CDC14B: variants seen among roughly 807,000 people sequenced by gnomAD.
CDC14B encodes dual specificity protein phosphatase CDC14B.
A neutral mutation model predicts 64.2 loss-of-function variants in CDC14B; 22 were observed. The ratio of observed to expected loss-of-function variants is 0.34; its 90% confidence interval spans 0.24 to 0.49. The LOEUF is 0.49. Among genes scored for constraint, CDC14B ranks in the 20% least tolerant of loss-of-function variants. The pLI, the probability that CDC14B is intolerant of heterozygous loss-of-function variation, is 0.99. For missense variants in CDC14B, 498 were observed against 629.9 expected (o/e 0.79, Z 2.24); for synonymous variants, 191 against 215.8 (o/e 0.89, Z 1.01).
chr9:96,612,233 C>A (rs552104496), intron 1 of CDC14B, among the ~76,000 whole-genome samples: 2 of 152,358 alleles, frequency 1.3e-5, no homozygotes, highest in Admixed American at 6.5e-5. Context: ...CAGAAGCAGA[C>A]AGAGGAACAC....
At chr9:96,604,161 G>A (rs570362946) in intron 1 of CDC14B, among the ~76,000 whole-genome samples, 2 of 152,050 alleles carry the variant, frequency 1.3e-5, no homozygotes, top group East Asian at 1.9e-4. Context: ...CACATTCACC[G>A]AAGTCAGGAC....
intron 4 of CDC14B, among the ~76,000 whole-genome samples, chr9:96,552,630 T>C (rs1841977392): frequency 6.6e-6 from 1 of 152,222 alleles, no homozygotes; most frequent in Admixed American, 6.5e-5. Context: ...ATTTTACTGA[T>C]CTAAGTATCT....
intron 5 of CDC14B, among the ~76,000 whole-genome samples, chr9:96,546,352 G>C (rs746813655): frequency 6.6e-6 from 1 of 151,962 alleles, no homozygotes; most frequent in Non-Finnish European, 1.5e-5. Context: ...AAGCAAAACT[G>C]ATAGTGGTAG....
At chr9:96,518,151 A>C (rs1057115974) in intron 12 of CDC14B, among the ~76,000 whole-genome samples, 1 of 152,206 alleles carries the variant, frequency 6.6e-6, no homozygotes, top group African/African-American at 2.4e-5. Context: ...AGTACTGCTA[A>C]TCAATTTGGA....
At chr9:96,544,390 G>C (rs1328078368) in intron 5 of CDC14B, among the ~76,000 whole-genome samples, 1 of 152,156 alleles carries the variant, frequency 6.6e-6, no homozygotes, top group Non-Finnish European at 1.5e-5. Context: ...ACAGCAATGA[G>C]GGCAAGAAAA....
intron 1 of CDC14B, among the ~76,000 whole-genome samples, chr9:96,611,091 GAAAAA>G (rs1235924277): frequency 8.5e-6 from 1 of 118,112 alleles, no homozygotes; most frequent in Non-Finnish European, 1.8e-5. Flanking sequence ...AAAAGCTATA[GAAAAA>G]AAAAAAAGAG....
At chr9:96,606,425 G>A (rs1846935138) in intron 1 of CDC14B, among the ~76,000 whole-genome samples, 1 of 148,946 alleles carries the variant, frequency 6.7e-6, no homozygotes, top group South Asian at 2.2e-4. Flanking sequence ...GCTCATGCTT[G>A]TAATCCAAGT....
chr9:96,494,260 C>CTGTT (rs1385202334), intron 13 of CDC14B, among the ~76,000 whole-genome samples: 1 of 152,334 alleles, frequency 6.6e-6, no homozygotes, highest in African/African-American at 2.4e-5. Context: ...TTGGGCAAAG[C>CTGTT]TGTTAGGAGA....
At chr9:96,538,417 G>C (rs1204724987) in intron 7 of CDC14B, among the ~76,000 whole-genome samples, 1 of 152,104 alleles carries the variant, frequency 6.6e-6, no homozygotes, top group Non-Finnish European at 1.5e-5. Context: ...TGAAATGGGT[G>C]ATTAAGAAAG....
chr9:96,545,754 C>T (rs767283931), intron 5 of CDC14B, among the ~76,000 whole-genome samples: 2 of 151,834 alleles, frequency 1.3e-5, no homozygotes, highest in Non-Finnish European at 2.9e-5. Flanking sequence ...CACAGCCCCG[C>T]TCCAATCTGT....
chr9:96,512,969 C>T (rs1587754548), intron 12 of CDC14B, among the ~76,000 whole-genome samples: 1 of 152,228 alleles, frequency 6.6e-6, no homozygotes, highest in African/African-American at 2.4e-5. Flanking sequence ...TGATACACTG[C>T]CTGCTTAGGA....
At chr9:96,509,622 C>G (rs763318881) in intron 13 of CDC14B, 51 bp downstream of exon 13, 1 of 1,127,084 alleles carries the variant, frequency 8.9e-7, no homozygotes, top group Non-Finnish European at 1.4e-6. Context: ...AAATATTAAA[C>G]TGGAAAACAA....
At position 96,503,375 on chromosome 9, in the gene CDC14B, T is replaced by TA. The variant is rs1227663213; in HGVS notation, c.*377dup. On this transcript the variant is annotated 3_prime_UTR_variant, in exon 14 of 14. Transcript: ENST00000375241. Reference sequence around the variant, plus strand: ...ACAAGGTGAACAGAAAATAAATACATAAAAAACCTCCATCAGATCCTCAAT... The same window carrying TA: ...ACAAGGTGAACAGAAAATAAATACATAAAAAAACCTCCATCAGATCCTCAAT... The TA allele has an allele frequency of 1.4e-5, 3 of 219,586 alleles. No homozygotes were observed. The allele number at this position is 219,586 out of a possible 1,614,324, so 13.6% of individuals were successfully genotyped here. A position where few individuals can be genotyped will look rare whatever the true frequency, so the allele number is the denominator to read the frequency against.
intron 1 of CDC14B, among the ~76,000 whole-genome samples, chr9:96,575,954 GA>G (rs1197368630): frequency 4.6e-5 from 7 of 152,226 alleles, no homozygotes; most frequent in Non-Finnish European, 8.8e-5. Flanking sequence ...TAGGAAAAAA[GA>G]AAGTAGCAAT....
intron 1 of CDC14B, among the ~76,000 whole-genome samples, chr9:96,568,611 T>C (rs574698578): frequency 6.6e-6 from 1 of 152,224 alleles, no homozygotes; most frequent in East Asian, 1.9e-4. Context: ...GGGAGAAATG[T>C]TTAAGACTGA....
chr9:96,568,930 A>G (rs531015930), intron 1 of CDC14B, among the ~76,000 whole-genome samples: 1 of 152,092 alleles, frequency 6.6e-6, no homozygotes, highest in East Asian at 1.9e-4. Flanking sequence ...AAGAAAAAAA[A>G]AAAAGAAAAC....
At chr9:96,529,810 C>T (rs1405336732) in intron 9 of CDC14B, among the ~76,000 whole-genome samples, 1 of 151,996 alleles carries the variant, frequency 6.6e-6, no homozygotes, top group Non-Finnish European at 1.5e-5. Flanking sequence ...AAGTTTTAAA[C>T]CAGGAAGTGA....
intron 1 of CDC14B, among the ~76,000 whole-genome samples, chr9:96,566,463 G>C (rs1331273666): frequency 6.6e-6 from 1 of 152,002 alleles, no homozygotes; most frequent in Non-Finnish European, 1.5e-5. Flanking sequence ...CACTCAAATG[G>C]GTGACAGGGC....
intron 12 of CDC14B, among the ~76,000 whole-genome samples, chr9:96,520,892 C>T (rs1359203395): frequency 1.3e-5 from 2 of 150,910 alleles, no homozygotes; most frequent in Non-Finnish European, 2.9e-5. Context: ...AAGCACTGCT[C>T]GAGGGTGCTG....
Sources: gnomAD v4.1 joint callset for allele counts (sites outside exome capture counted in the v4.1 genomes callset) on GRCh38, gnomAD v4.1.1 for gene constraint, MANE v1.5 for transcripts, NCBI Gene and HGNC (gene_info 2026-07-23, HGNC 2026-07-21) for gene names.